Variants in TALDO1 observed in about 807,000 individuals in gnomAD.
The protein encoded by TALDO1 is transaldolase 1, also known as transaldolase.
A neutral mutation model predicts 38.1 loss-of-function variants in TALDO1; 29 were observed. The observed-to-expected ratio is 0.76, with a 90% CI of 0.57 to 1.04. TALDO1 has a LOEUF of 1.04. TALDO1 is among the 50% of genes least tolerant of loss of function. The probability of loss-of-function intolerance (pLI) is 0.00; values close to 1 mark genes in which losing one functional copy is unlikely to be tolerated. For synonymous variants in TALDO1, 207 were observed against 176.8 expected (o/e 1.17, Z -1.36); for missense variants, 499 against 438.1 (o/e 1.14, Z -1.24).
intron 1 of TALDO1, among the ~76,000 whole-genome samples, chr11:751,006 G>A (rs906828289): frequency 2.0e-5 from 3 of 152,124 alleles, no homozygotes; most frequent in African/African-American, 4.8e-5. Context: ...AATAACTAAT[G>A]TGTTAAAAGA....
rs1862906743 is a variant in TALDO1, at chr11:760,250, G to A, written c.458G>A (p.Gly153Glu). ...LSSTWEGIQA[G>E]KELEEQHGIH... ...TCAACCTGGGAAGGAATTCAGGCTG[G>A]AAAGTAAGTGGTCCCCCACAAGGAA... Residue 153 changes from glycine to glutamate, a missense_variant, in exon 4 of 8, where the codon GGA becomes GAA. Transcript: ENST00000319006. 2 of 1,613,868 alleles carry A rather than the reference G, an allele frequency of 1.2e-6. No individual in the cohort carries two copies. The highest frequency in any genetic ancestry group is 2.7e-5 in the African/African-American group (2 of 74,934).
Position 764,409 on chromosome 11 carries a change from A to C in TALDO1, c.957A>C (p.Ala319=), listed in dbSNP as rs1269884663. 1 of 1,614,262 alleles carries C rather than the reference A, an allele frequency of 6.2e-7. No homozygotes were observed. The highest frequency in any genetic ancestry group is 8.5e-7 in the Non-Finnish European group (1 of 1,180,044). ...GGATCCGCAAGTTTGCCGCTGATGC[A>C]GTGAAGCTGGAGCGGATGCTGACAG... The part of the protein sequence containing the change: ...SDGIRKFAAD[A]VKLERMLTER... Residue 319 remains alanine, a synonymous_variant, in exon 7 of 8, where the codon GCA becomes GCC. Transcript: ENST00000319006.
At chr11:750,600 C>CGATCA (rs1564989616) in intron 1 of TALDO1, among the ~76,000 whole-genome samples, 1 of 151,880 alleles carries the variant, frequency 6.6e-6, no homozygotes, top group Admixed American at 6.6e-5. Context: ...CGAGGCAGGC[C>CGATCA]GATCATGAGG....
intron 2 of TALDO1, among the ~76,000 whole-genome samples, chr11:757,289 A>AT (rs555623617): frequency 0.035 from 4,809 of 135,522 alleles, 138 homozygotes; most frequent in African/African-American, 0.087. Flanking sequence ...ATGGCCCCAA[A>AT]TTTTTTTTTT....
chr11:756,841 T>C (rs2133574498), intron 2 of TALDO1, among the ~76,000 whole-genome samples: 1 of 152,282 alleles, frequency 6.6e-6, no homozygotes, highest in South Asian at 2.1e-4. Context: ...ATAGCTTTTA[T>C]AACTCCCAGA....
At chr11:754,919 C>G (rs555281389) in intron 1 of TALDO1, among the ~76,000 whole-genome samples, 1 of 152,172 alleles carries the variant, frequency 6.6e-6, no homozygotes, top group South Asian at 2.1e-4. Flanking sequence ...TACAGGCATG[C>G]ACTACCACAC....
Position 758,978 on chromosome 11 carries a change from A to G in TALDO1, c.250A>G (p.Ile84Val), listed in dbSNP as rs751243397. ...GSQEDQIKNA[I>V]DKLFVLFGAE... ...ACAAGAGGACCAGATTAAAAATGCTATTGATAAACTTTTTGTGTTGTTTGG... is the reference window on the plus strand; with the variant it reads ...ACAAGAGGACCAGATTAAAAATGCTGTTGATAAACTTTTTGTGTTGTTTGG... The change falls in exon 3 of 8, where the codon ATT becomes GTT. Residue 84 changes from isoleucine (I) to valine (V), a missense_variant. Transcript: ENST00000319006. 4.3e-6 allele frequency: 7 copies of G among 1,612,200 alleles called. No homozygotes were observed. Among genetic ancestry groups the G allele is most frequent in the South Asian group, 3.3e-5 (3 of 91,074 alleles).
At chr11:760,430 G>C in intron 4 of TALDO1, 177 bp downstream of exon 4, 1 of 862,456 alleles carries the variant, frequency 1.2e-6, no homozygotes, top group Middle Eastern at 3.5e-4. Context: ...CTCTGCTCCA[G>C]AGCCAGCTCC....
chr11:756,481 G>A (rs1479807713), intron 2 of TALDO1, among the ~76,000 whole-genome samples: 1 of 151,388 alleles, frequency 6.6e-6, no homozygotes, highest in Non-Finnish European at 1.5e-5. Context: ...GGGCTTACAG[G>A]TGTGTGCCAC....
intron 1 of TALDO1, 109 bp downstream of exon 1, chr11:747,687 C>A: frequency 1.0e-6 from 1 of 980,040 alleles, no homozygotes; most frequent in Non-Finnish European, 1.5e-6. Flanking sequence ...GGCGGTGCCC[C>A]GGGCGGCTCG....
intron 3 of TALDO1, among the ~76,000 whole-genome samples, chr11:759,462 A>G (rs1297694195): frequency 6.6e-6 from 1 of 150,626 alleles, no homozygotes; most frequent in Non-Finnish European, 1.5e-5. Flanking sequence ...GGGTTTGACC[A>G]TTTTGGCCAG....
rs776803242 is a variant in TALDO1, at chr11:763,431, G to T, written c.549G>T (p.Val183=). The change falls in exon 5 of 8, where the codon GTG becomes GTT. Residue 183 remains valine (V), a synonymous_variant. Coordinates refer to ENST00000319006, the MANE Select transcript of TALDO1 (RefSeq NM_006755.2). ...CTGTGGCCTGTGCCGAGGCGGGTGT[G>T]ACCCTCATCTCCCCATTTGTTGGGC... ...AQAVACAEAG[V]TLISPFVGRI... 2 of 1,613,494 alleles carry T rather than the reference G, an allele frequency of 1.2e-6. No homozygotes were observed. Among genetic ancestry groups the T allele is most frequent in the Non-Finnish European group, 8.5e-7 (1 of 1,179,882 alleles).
At chr11:748,401 G>T (rs1449953313) in intron 1 of TALDO1, among the ~76,000 whole-genome samples, 1 of 136,110 alleles carries the variant, frequency 7.3e-6, no homozygotes, top group East Asian at 2.1e-4. Flanking sequence ...ACATTGGAGA[G>T]AACTTGGAAA....
intron 1 of TALDO1, among the ~76,000 whole-genome samples, chr11:747,781 G>T (rs1433894672): frequency 6.6e-6 from 1 of 151,732 alleles, no homozygotes; most frequent in Non-Finnish European, 1.5e-5. Flanking sequence ...GCCGTGAGAG[G>T]CGCAGGGCCA....
intron 1 of TALDO1, among the ~76,000 whole-genome samples, chr11:748,902 CTG>C (rs1862704459): frequency 1.3e-5 from 2 of 152,200 alleles, no homozygotes; most frequent in African/African-American, 4.8e-5. Context: ...CTTCTTAGCA[CTG>C]AGAATAATTT....
intron 2 of TALDO1, chr11:756,327 T>C: frequency 3.2e-6 from 1 of 315,728 alleles, no homozygotes. Context: ...AACACTTACC[T>C]TCTGGCTGTC....
At chr11:754,069 C>G (rs1230540306) in intron 1 of TALDO1, among the ~76,000 whole-genome samples, 5 of 152,076 alleles carry the variant, frequency 3.3e-5, no homozygotes, top group Non-Finnish European at 7.4e-5. Flanking sequence ...ACTGCAACCT[C>G]CACCTCCCGG....
chr11:755,501 A>G (rs927288645), intron 1 of TALDO1, among the ~76,000 whole-genome samples: 2 of 152,136 alleles, frequency 1.3e-5, no homozygotes, highest in Admixed American at 6.6e-5. Flanking sequence ...CCAGTCCATA[A>G]GATCAGCGTT....
rs530128230 is a variant in TALDO1 at position 756,537 on chromosome 11, C to G, written c.221+535C>G. Among the ~76,000 whole-genome samples the G allele has an allele frequency of 5.0e-3, 572 of 114,686 alleles. 2 individuals are homozygous for G. The highest frequency in any genetic ancestry group is 8.6e-3 in the Admixed American group (81 of 9,382). 75.2% of individuals were successfully genotyped at this position (114,686 alleles called of 152,430 possible). Reference sequence around the variant, plus strand: ...ATTTTTTTTTTTTTTTTTTTTGAGACAGAGTTTTGCTTTTGTTGTCCAGGC... The same window carrying G: ...ATTTTTTTTTTTTTTTTTTTTGAGAGAGAGTTTTGCTTTTGTTGTCCAGGC... On this transcript the variant is annotated intron_variant, in intron 2 of 7. Transcript: ENST00000319006.
Sources: allele counts gnomAD v4.1 joint callset (sites outside exome capture counted in the v4.1 genomes callset), GRCh38; gene constraint gnomAD v4.1.1; transcripts MANE v1.5; gene names NCBI Gene and HGNC (gene_info 2026-07-23, HGNC 2026-07-21).